Variants in UBAP1 observed in about 807,000 individuals in gnomAD.
UBAP1 encodes ubiquitin-associated protein 1.
A neutral mutation model predicts 39.0 loss-of-function variants in UBAP1; 5 were observed. The observed-to-expected ratio is 0.13, with a 90% CI of 0.07 to 0.27. UBAP1 has a LOEUF of 0.27. Ranked by LOEUF, UBAP1 falls within the 10% of genes least tolerant of loss-of-function variation. The pLI is 1.00. For synonymous variants in UBAP1, 211 were observed against 225.1 expected, an observed-to-expected ratio of 0.94 and a Z score of 0.56; for missense variants, 490 against 608.1, an observed-to-expected ratio of 0.81 and a Z score of 2.04.
chr9:34,182,695 CTTTTCT>C (rs779882013), intron 1 of UBAP1, among the ~76,000 whole-genome samples: 3 of 70,712 alleles, frequency 4.2e-5, no homozygotes, highest in African/African-American at 9.1e-5. Flanking sequence ...CTCTCTCTTT[CTTTTCT>C]TTTCTTTCTC....
chr9:34,231,125 TTATG>T (rs999396668), intron 2 of UBAP1, among the ~76,000 whole-genome samples: 6 of 96,694 alleles, frequency 6.2e-5, no homozygotes, highest in Non-Finnish European at 8.5e-5. Context: ...TTTAAAAAAA[TTATG>T]TGTGTGTGTG....
At chr9:34,229,519 G>C (rs950496276) in intron 2 of UBAP1, among the ~76,000 whole-genome samples, 1 of 147,608 alleles carries the variant, frequency 6.8e-6, no homozygotes, top group African/African-American at 2.5e-5. Flanking sequence ...GCCTCCCAAA[G>C]TGCTGGGATT....
At chr9:34,184,982 T>G (rs1830317186) in intron 1 of UBAP1, among the ~76,000 whole-genome samples, 1 of 141,892 alleles carries the variant, frequency 7.0e-6, no homozygotes, top group Non-Finnish European at 1.5e-5. Context: ...TTCCCCAGGC[T>G]GGAGTGCAAT....
intron 1 of UBAP1, among the ~76,000 whole-genome samples, chr9:34,205,054 G>T (rs535161536): frequency 5.1e-4 from 78 of 152,028 alleles, no homozygotes; most frequent in Non-Finnish European, 9.9e-4. Context: ...CCCAGAGTGA[G>T]AGTGCAGGCT....
intron 1 of UBAP1, among the ~76,000 whole-genome samples, chr9:34,185,313 C>T (rs887742358): frequency 3.9e-5 from 6 of 152,082 alleles, no homozygotes; most frequent in African/African-American, 1.4e-4. Flanking sequence ...TTTGGGAATC[C>T]CAGGCGGGCG....
chr9:34,226,105 TTGTGTGTGTGTGTGTGTGTGTGTGTG>T (rs74180553), intron 2 of UBAP1, among the ~76,000 whole-genome samples: 5 of 88,270 alleles, frequency 5.7e-5, no homozygotes, highest in African/African-American at 1.4e-4. Context: ...TCCTACTCTA[TTGTGTGTGTGTGTGTGTGTGTGTGTG>T]TGTGTGTGTG....
chr9:34,222,013 C>T (rs1401779458), intron 2 of UBAP1, among the ~76,000 whole-genome samples: 1 of 152,146 alleles, frequency 6.6e-6, no homozygotes, highest in Non-Finnish European at 1.5e-5. Context: ...CCTGCAGTCC[C>T]AGCTACTCAG....
chr9:34,200,904 C>G (rs1831331350), intron 1 of UBAP1, among the ~76,000 whole-genome samples: 1 of 151,882 alleles, frequency 6.6e-6, no homozygotes, highest in African/African-American at 2.4e-5. Flanking sequence ...TGTATATAGG[C>G]TTAAGTGATT....
intron 1 of UBAP1, among the ~76,000 whole-genome samples, chr9:34,219,448 A>G (rs1366929127): frequency 6.6e-6 from 1 of 152,126 alleles, no homozygotes; most frequent in Non-Finnish European, 1.5e-5. Context: ...AGATGTTACC[A>G]TATAACGTTC....
At chr9:34,205,909 A>G (rs1347184493) in intron 1 of UBAP1, among the ~76,000 whole-genome samples, 1 of 152,100 alleles carries the variant, frequency 6.6e-6, no homozygotes, top group African/African-American at 2.4e-5. Context: ...GGAGAATGGC[A>G]TGAACCCCGG....
At chr9:34,192,775 A>G (rs73496334) in intron 1 of UBAP1, among the ~76,000 whole-genome samples, 1,586 of 152,126 alleles carry the variant, frequency 0.01, 24 homozygotes, top group African/African-American at 0.036. Flanking sequence ...TCATAATGAT[A>G]TTTATTATTT....
At chr9:34,215,034 A>T (rs970356089) in intron 1 of UBAP1, among the ~76,000 whole-genome samples, 10 of 152,202 alleles carry the variant, frequency 6.6e-5, no homozygotes, top group African/African-American at 2.4e-4. Flanking sequence ...GTGGGAATGT[A>T]AACTAGTACA....
rs1834244742 is a variant in UBAP1, at chr9:34,247,605, G to A, written c.1084-2174G>A. 2.0e-5 allele frequency among the ~76,000 whole-genome samples: 3 copies of A among 151,868 alleles called. No individual in the cohort carries two copies. The South Asian group carries it at 6.3e-4, about 32-fold the overall frequency. The stretch of plus-strand genomic sequence containing the variant: ...ACACTTGGCCCATTTTGTATTTTTA[G>A]TAGAGATGGGGTTTCTCCGTGTTGG... On this transcript the variant is annotated intron_variant, in intron 4 of 6. Transcript: ENST00000297661.
At chr9:34,228,335 G>C (rs187188881) in intron 2 of UBAP1, among the ~76,000 whole-genome samples, 1 of 149,308 alleles carries the variant, frequency 6.7e-6, no homozygotes, top group Non-Finnish European at 1.5e-5. Flanking sequence ...GGAGAATAGC[G>C]TGAACCCAGG....
intron 1 of UBAP1, among the ~76,000 whole-genome samples, chr9:34,191,389 G>A (rs758710712): frequency 6.6e-6 from 1 of 152,158 alleles, no homozygotes; most frequent in African/African-American, 2.4e-5. Flanking sequence ...GATCCACTGT[G>A]CCTGGCCTGT....
intron 4 of UBAP1, among the ~76,000 whole-genome samples, chr9:34,248,556 C>CCTG (rs1402481178): frequency 2.6e-5 from 4 of 152,170 alleles, no homozygotes; most frequent in African/African-American, 9.7e-5. Flanking sequence ...CAATCTTAGA[C>CCTG]CTGCCAAGTG....
chr9:34,188,706 C>T (rs945560983), intron 1 of UBAP1, among the ~76,000 whole-genome samples: 5 of 152,114 alleles, frequency 3.3e-5, no homozygotes, highest in Admixed American at 2.6e-4. Context: ...CCTGTAATCC[C>T]AGCACTTTGG....
chr9:34,230,588 C>T (rs570416537), intron 2 of UBAP1, among the ~76,000 whole-genome samples: 134 of 152,188 alleles, frequency 8.8e-4, no homozygotes, highest in African/African-American at 3.0e-3. Context: ...AGAAAACAGA[C>T]AAAAATTCTT....
intron 1 of UBAP1, among the ~76,000 whole-genome samples, chr9:34,195,556 A>G (rs1264746989): frequency 1.3e-5 from 2 of 151,628 alleles, no homozygotes; most frequent in African/African-American, 4.8e-5. Context: ...CAGAAAAGAA[A>G]GTTTCCCAAA....
Sources: allele counts gnomAD v4.1 joint callset (sites outside exome capture counted in the v4.1 genomes callset), GRCh38; gene constraint gnomAD v4.1.1; transcripts MANE v1.5; gene names NCBI Gene and HGNC (gene_info 2026-07-23, HGNC 2026-07-21).